ARGLU1: variants seen among roughly 807,000 people sequenced by gnomAD.
The protein encoded by ARGLU1 is arginine and glutamate rich 1, also known as arginine and glutamate-rich protein 1.
ARGLU1 carries 9 observed loss-of-function variants against 37.6 expected under a neutral mutation model. The observed-to-expected ratio is 0.24, with a 90% CI of 0.14 to 0.42. ARGLU1 has a LOEUF of 0.42. Ranked by LOEUF, ARGLU1 falls within the 10% of genes least tolerant of loss-of-function variation. The probability of loss-of-function intolerance (pLI) is 1.00; values close to 1 mark genes in which losing one functional copy is unlikely to be tolerated. For synonymous variants in ARGLU1, 166 were observed against 138.5 expected (o/e 1.20, Z -1.39); for missense variants, 211 against 359.2 (o/e 0.59, Z 3.34).
At chr13:106,559,364 G>A in intron 2 of ARGLU1, 68 bp downstream of exon 2, 1 of 1,597,822 alleles carries the variant, frequency 6.3e-7, no homozygotes, top group Non-Finnish European at 8.5e-7. Flanking sequence ...GAACTGAGCA[G>A]GAGGCAGAAC....
At chr13:106,554,615 G>A (rs564472951) in intron 3 of ARGLU1, among the ~76,000 whole-genome samples, 24 of 152,248 alleles carry the variant, frequency 1.6e-4, no homozygotes, top group African/African-American at 5.3e-4. Flanking sequence ...GGCCGGGCGC[G>A]GTAGCTCACG....
intron 3 of ARGLU1, among the ~76,000 whole-genome samples, chr13:106,548,314 T>C (rs1207125592): frequency 6.6e-6 from 1 of 152,166 alleles, no homozygotes. Flanking sequence ...TGCTAGGTAT[T>C]TTCCTAAATC....
intron 3 of ARGLU1, among the ~76,000 whole-genome samples, chr13:106,554,019 CT>C (rs993899872): frequency 1.3e-5 from 2 of 152,192 alleles, no homozygotes; most frequent in Non-Finnish European, 2.9e-5. Context: ...TCCTCACACT[CT>C]TGTCTACCTC....
intron 3 of ARGLU1, among the ~76,000 whole-genome samples, chr13:106,554,878 C>T (rs1880623071): frequency 1.8e-5 from 2 of 114,050 alleles, no homozygotes; most frequent in Non-Finnish European, 1.8e-5. Flanking sequence ...CAGCGAGATT[C>T]CATCAAAAAA....
chr13:106,561,458 CA>C (rs1880799728), intron 1 of ARGLU1, among the ~76,000 whole-genome samples: 1 of 150,096 alleles, frequency 6.7e-6, no homozygotes, highest in Non-Finnish European at 1.5e-5. Flanking sequence ...CACACACACA[CA>C]CACTTTTGCT....
At chr13:106,556,002 C>T (rs566773828) in intron 3 of ARGLU1, among the ~76,000 whole-genome samples, 19 of 152,328 alleles carry the variant, frequency 1.2e-4, no homozygotes, top group Non-Finnish European at 2.6e-4. Context: ...GCTCAACCTT[C>T]TAACCTCAAA....
intron 2 of ARGLU1, chr13:106,559,221 A>G (rs1419794907): frequency 3.3e-6 from 5 of 1,516,648 alleles, no homozygotes; most frequent in Non-Finnish European, 4.4e-6. Flanking sequence ...AGTATCCTTG[A>G]ATATGTTTTA....
At chr13:106,548,164 TA>T (rs1418559561) in intron 3 of ARGLU1, among the ~76,000 whole-genome samples, 1 of 152,192 alleles carries the variant, frequency 6.6e-6, no homozygotes, top group Non-Finnish European at 1.5e-5. Context: ...GCATAAATCT[TA>T]ATTACACTTT....
intron 3 of ARGLU1, among the ~76,000 whole-genome samples, chr13:106,551,273 G>A (rs1880524679): frequency 6.6e-6 from 1 of 152,118 alleles, no homozygotes; most frequent in Non-Finnish European, 1.5e-5. Flanking sequence ...ACTATAAACA[G>A]GAAGAAACCA....
intron 1 of ARGLU1, among the ~76,000 whole-genome samples, chr13:106,562,936 T>C (rs1310193760): frequency 6.9e-6 from 1 of 145,214 alleles, no homozygotes; most frequent in East Asian, 2.0e-4. Flanking sequence ...TGAGCTGAGA[T>C]TGCGCCACTG....
At chr13:106,558,798 G>T (rs1214443182) in intron 2 of ARGLU1, 1 of 985,174 alleles carries the variant, frequency 1.0e-6, no homozygotes, top group African/African-American at 1.7e-5. Context: ...AAAAAAAGTG[G>T]ATGAATAATC....
intron 1 of ARGLU1, among the ~76,000 whole-genome samples, chr13:106,566,112 A>G (rs539186708): frequency 6.6e-6 from 1 of 152,348 alleles, no homozygotes; most frequent in East Asian, 1.9e-4. Context: ...CAGACCCAAA[A>G]GTTGTATTCT....
At chr13:106,548,234 T>A (rs898509848) in intron 3 of ARGLU1, among the ~76,000 whole-genome samples, 1 of 152,212 alleles carries the variant, frequency 6.6e-6, no homozygotes, top group African/African-American at 2.4e-5. Flanking sequence ...TAATATAGTC[T>A]CTCAAGTGAT....
chr13:106,544,984 C>G (rs1273299429), intron 3 of ARGLU1, among the ~76,000 whole-genome samples: 1 of 152,212 alleles, frequency 6.6e-6, no homozygotes, highest in Non-Finnish European at 1.5e-5. Flanking sequence ...CAGATTTCCC[C>G]CTCTTTACCA....
At chr13:106,556,933 C>T (rs1228549616) in intron 3 of ARGLU1, 115 bp downstream of exon 3, 1 of 852,906 alleles carries the variant, frequency 1.2e-6, no homozygotes, top group African/African-American at 1.7e-5. Context: ...AAAGTTAGTC[C>T]TGAGAATCCC....
At chr13:106,559,213 T>C (rs1031471600) in intron 2 of ARGLU1, 1 of 1,506,882 alleles carries the variant, frequency 6.6e-7, no homozygotes, top group African/African-American at 1.4e-5. Flanking sequence ...AATCAAAAAG[T>C]ATCCTTGAAT....
At chr13:106,558,748 A>G (rs765322232) in intron 2 of ARGLU1, 31 of 985,282 alleles carry the variant, frequency 3.1e-5, no homozygotes, top group South Asian at 4.7e-5. Context: ...CTGTTCCTTC[A>G]TAACTCTCTA....
chr13:106,547,304 T>A (rs970557092), intron 3 of ARGLU1, among the ~76,000 whole-genome samples: 1 of 152,220 alleles, frequency 6.6e-6, no homozygotes, highest in African/African-American at 2.4e-5. Context: ...CAAAATTACA[T>A]CTTCGTAATA....
rs1431292437 is a variant in ARGLU1 at position 106,557,694 on chromosome 13, G to C, written c.574-563C>G. On this transcript the variant is annotated intron_variant, in intron 2 of 3. Coordinates refer to ENST00000400198, the MANE Select transcript of ARGLU1 (RefSeq NM_018011.4). This position sits in a 1 kb window ranked among gnomAD's most constrained non-coding sequence, Gnocchi z 5.0. ...CCATTTATAAAGAAACAACATACAA[G>C]GAAGGCTGAGCTGAGGAATGCAGAT... 47 of 1,532,890 alleles carry C rather than the reference G, an allele frequency of 3.1e-5. No individual in the cohort carries two copies. Among genetic ancestry groups the C allele is most frequent in the Non-Finnish European group, 4.0e-5 (46 of 1,136,296 alleles). 95.0% of individuals were successfully genotyped at this position (1,532,890 alleles called of 1,614,324 possible).
Sources: allele counts gnomAD v4.1 joint callset (sites outside exome capture counted in the v4.1 genomes callset), GRCh38; gene constraint gnomAD v4.1.1; non-coding constraint Gnocchi (gnomAD v3.1); transcripts MANE v1.5; gene names NCBI Gene and HGNC (gene_info 2026-07-23, HGNC 2026-07-21).